CNTNAP2: variants seen among roughly 807,000 people sequenced by gnomAD.
The protein encoded by CNTNAP2 is contactin associated protein 2.
In CNTNAP2, 98 loss-of-function variants were observed where a neutral mutation model predicts 155.2. The ratio of observed to expected loss-of-function variants is 0.63; its 90% CI spans 0.54 to 0.75. CNTNAP2 has a LOEUF of 0.75. CNTNAP2 is among the 30% of genes least tolerant of loss of function. The probability of loss-of-function intolerance (pLI) is 0.00; values close to 1 mark genes in which losing one functional copy is unlikely to be tolerated. For missense variants in CNTNAP2, 1,727 were observed against 1,688.1 expected (o/e 1.02, Z -0.40); for synonymous variants, 651 against 631.2 (o/e 1.03, Z -0.47).
chr7:148,204,737 G>A (rs1459632847), intron 18 of CNTNAP2, among the ~76,000 whole-genome samples: 1 of 152,106 alleles, frequency 6.6e-6, no homozygotes, highest in Non-Finnish European at 1.5e-5. Flanking sequence ...TAAGCAAATC[G>A]CTTTGTGGGT....
chr7:146,198,017 C>G (rs991762546), intron 1 of CNTNAP2, among the ~76,000 whole-genome samples: 1 of 152,036 alleles, frequency 6.6e-6, no homozygotes, highest in Admixed American at 6.6e-5. Context: ...AGGCACTTAT[C>G]AAACAACCAG....
chr7:148,154,642 G>A (rs2906303), intron 17 of CNTNAP2, among the ~76,000 whole-genome samples: 53,111 of 152,034 alleles, frequency 0.35, 10,161 homozygotes, highest in African/African-American at 0.51. Flanking sequence ...GATAATAAAA[G>A]ATGTACAACT....
At chr7:147,832,858 C>T (rs930897974) in intron 13 of CNTNAP2, among the ~76,000 whole-genome samples, 1 of 146,518 alleles carries the variant, frequency 6.8e-6, no homozygotes, top group Admixed American at 6.8e-5. Context: ...TATATTTATA[C>T]ATATTTTATA....
chr7:146,350,168 CTTTTTA>C, intron 1 of CNTNAP2, among the ~76,000 whole-genome samples: 1 of 152,112 alleles, frequency 6.6e-6, no homozygotes, highest in Non-Finnish European at 1.5e-5. Flanking sequence ...TTGTTCATTT[CTTTTTA>C]TTCTTTTTTC....
intron 17 of CNTNAP2, among the ~76,000 whole-genome samples, chr7:148,166,810 TG>T (rs1805672133): frequency 6.6e-6 from 1 of 152,228 alleles, no homozygotes; most frequent in Non-Finnish European, 1.5e-5. Flanking sequence ...GTAGCGTTTT[TG>T]CTTGAAGACC....
intron 1 of CNTNAP2, among the ~76,000 whole-genome samples, chr7:146,721,536 CATTCTATATAT>C (rs1388508339): frequency 3.4e-5 from 4 of 117,322 alleles, no homozygotes; most frequent in Non-Finnish European, 4.9e-5. Flanking sequence ...ATTCTATATA[CATTCTATATAT>C]ATTCTATATA....
At chr7:147,567,451 T>C (rs936968556) in intron 12 of CNTNAP2, among the ~76,000 whole-genome samples, 3 of 152,160 alleles carry the variant, frequency 2.0e-5, no homozygotes, top group African/African-American at 7.2e-5. Context: ...CTGTGAATAA[T>C]ATTCTCCAAA....
At chr7:147,028,741 A>G (rs1187373841) in intron 3 of CNTNAP2, among the ~76,000 whole-genome samples, 3 of 152,186 alleles carry the variant, frequency 2.0e-5, no homozygotes, top group African/African-American at 4.8e-5. Context: ...AAATAAATCT[A>G]GGTAGTGAAG....
intron 20 of CNTNAP2, among the ~76,000 whole-genome samples, chr7:148,262,468 C>CA (rs2116833264): frequency 6.6e-6 from 1 of 152,270 alleles, no homozygotes; most frequent in South Asian, 2.1e-4. Flanking sequence ...CGGCTGAAGT[C>CA]AATCAGAAAG....
At chr7:146,666,269 T>C (rs1248458133) in intron 1 of CNTNAP2, among the ~76,000 whole-genome samples, 2 of 152,198 alleles carry the variant, frequency 1.3e-5, no homozygotes, top group Non-Finnish European at 2.9e-5. Flanking sequence ...TGTTCCTGGC[T>C]TATGTCACTT....
At chr7:147,183,272 C>G (rs1056386193) in intron 8 of CNTNAP2, among the ~76,000 whole-genome samples, 1 of 152,048 alleles carries the variant, frequency 6.6e-6, no homozygotes, top group South Asian at 2.1e-4. Flanking sequence ...TTTAAGTCAT[C>G]AATACTGTTT....
At chr7:147,487,394 C>A (rs1448206591) in intron 11 of CNTNAP2, among the ~76,000 whole-genome samples, 2 of 152,106 alleles carry the variant, frequency 1.3e-5, no homozygotes, top group Admixed American at 6.5e-5. Flanking sequence ...TTGTTCCTTA[C>A]CAATCACATC....
intron 3 of CNTNAP2, among the ~76,000 whole-genome samples, chr7:147,036,998 C>A (rs991653365): frequency 6.6e-6 from 1 of 152,106 alleles, no homozygotes; most frequent in Non-Finnish European, 1.5e-5. Context: ...CTGACAAATT[C>A]TTCTTTCCTT....
At chr7:147,210,647 C>T (rs894037040) in intron 8 of CNTNAP2, among the ~76,000 whole-genome samples, 19 of 151,874 alleles carry the variant, frequency 1.3e-4, no homozygotes, top group Middle Eastern at 3.4e-3. Context: ...GCTTAGTTTG[C>T]TCTTGTTTTT....
chr7:147,941,020 A>C (rs538497237), intron 14 of CNTNAP2, among the ~76,000 whole-genome samples: 4 of 152,336 alleles, frequency 2.6e-5, no homozygotes, highest in South Asian at 2.1e-4. Context: ...TGGAGGTATT[A>C]ATAGCCGGAA....
chr7:147,689,151 CTTT>C (rs5888280), intron 13 of CNTNAP2, among the ~76,000 whole-genome samples: 15 of 139,500 alleles, frequency 1.1e-4, no homozygotes, highest in Non-Finnish European at 9.3e-5. Flanking sequence ...ATAATTACTA[CTTT>C]TTTTTTTTTT....
chr7:147,347,029 G>T lies in CNTNAP2; in HGVS notation c.1498+46739G>T, dbSNP rs538501368. 2.0e-5 allele frequency among the ~76,000 whole-genome samples: 3 copies of T among 152,234 alleles called. No individual in the cohort carries two copies. The East Asian group carries it at 5.8e-4, about 29-fold the overall frequency. The stretch of plus-strand genomic sequence containing the variant: ...GAGGATATAAAAATGAAGAAAACAT[G>T]AATTCCTACATGGAGGAGCCTATTG... On this transcript the variant is annotated intron_variant, in intron 9 of 23. Coordinates refer to ENST00000361727, the MANE Select transcript of CNTNAP2 (RefSeq NM_014141.6).
At chr7:146,934,141 C>A (rs942924618) in intron 3 of CNTNAP2, among the ~76,000 whole-genome samples, 1 of 151,824 alleles carries the variant, frequency 6.6e-6, no homozygotes, top group Admixed American at 6.6e-5. Flanking sequence ...CACATGCACA[C>A]GTATGTTTAT....
intron 1 of CNTNAP2, among the ~76,000 whole-genome samples, chr7:146,711,383 C>T (rs1476174092): frequency 2.1e-5 from 3 of 145,048 alleles, no homozygotes; most frequent in Admixed American, 1.4e-4. Context: ...ATGAGAATGC[C>T]AGAAACAATA....
Sources: allele counts gnomAD v4.1 joint callset (sites outside exome capture counted in the v4.1 genomes callset), GRCh38; gene constraint gnomAD v4.1.1; transcripts MANE v1.5; gene names NCBI Gene and HGNC (gene_info 2026-07-23, HGNC 2026-07-21).